Variants in ADGRL3 observed in about 807,000 individuals in gnomAD.
ADGRL3 encodes the protein calcium-independent alpha-latrotoxin receptor 3.
ADGRL3 carries 62 observed loss-of-function variants against 153.5 expected under a neutral mutation model. The observed-to-expected ratio is 0.40, with a 90% confidence interval of 0.33 to 0.50. The LOEUF (loss-of-function observed/expected upper bound fraction) is 0.50. ADGRL3 is among the 20% of genes least tolerant of loss of function. The pLI is 0.47. For synonymous variants in ADGRL3, 710 were observed against 672.5 expected, an observed-to-expected ratio of 1.06 and a Z score of -0.86; for missense variants, 1,641 against 1,859.4, an observed-to-expected ratio of 0.88 and a Z score of 2.16.
intron 3 of ADGRL3, among the ~76,000 whole-genome samples, chr4:61,503,781 G>C (rs1048533782): frequency 2.6e-5 from 4 of 151,718 alleles, no homozygotes; most frequent in Non-Finnish European, 5.9e-5. Flanking sequence ...TGTTTATGGG[G>C]GTACTTATAC....
chr4:61,638,237 C>T, intron 5 of ADGRL3, among the ~76,000 whole-genome samples: 1 of 151,990 alleles, frequency 6.6e-6, no homozygotes, highest in Non-Finnish European at 1.5e-5. Flanking sequence ...ATGCATGCAA[C>T]AAAATGAATG....
In ADGRL3 at chr4:61,851,298, G is replaced by A. The variant is rs1032945195; in HGVS notation, c.1480+37409G>A. Among the ~76,000 whole-genome samples the A allele has an allele frequency of 3.9e-5, 6 of 151,950 alleles. No homozygotes were observed. The South Asian group carries it at 1.2e-3, about 31-fold the overall frequency. ...CATACTTAGAATGTTAATAAAAAGT[G>A]AGGTGTGGCCGGGAGCAGTGACTCA... On this transcript the variant is annotated intron_variant, in intron 9 of 26. Transcript: ENST00000683033.
intron 2 of ADGRL3, among the ~76,000 whole-genome samples, chr4:61,479,641 G>A (rs2098110733): frequency 6.6e-6 from 1 of 152,080 alleles, no homozygotes; most frequent in Non-Finnish European, 1.5e-5. Flanking sequence ...TGGTGCATAA[G>A]CCTTGATTAA....
intron 25 of ADGRL3, among the ~76,000 whole-genome samples, chr4:62,057,542 A>G (rs901777858): frequency 5.9e-5 from 9 of 152,290 alleles, no homozygotes; most frequent in Admixed American, 4.6e-4. Flanking sequence ...TGTGGTAAAG[A>G]AACTTCTCCA....
chr4:61,693,475 A>C (rs1373723392), intron 6 of ADGRL3, among the ~76,000 whole-genome samples: 1 of 152,114 alleles, frequency 6.6e-6, no homozygotes, highest in Non-Finnish European at 1.5e-5. Flanking sequence ...ATCACCAAGA[A>C]GTTTTAAAGT....
At chr4:61,427,607 G>A (rs1033207593) in intron 2 of ADGRL3, 11 of 152,748 alleles carry the variant, frequency 7.2e-5, no homozygotes, top group African/African-American at 2.7e-4. Context: ...CACGCCCTGG[G>A]GCCCCAGTGG....
At chr4:61,778,593 T>C (rs930856478) in intron 8 of ADGRL3, among the ~76,000 whole-genome samples, 2 of 152,206 alleles carry the variant, frequency 1.3e-5, no homozygotes, top group Non-Finnish European at 1.5e-5. Context: ...TTTATCCAAC[T>C]ATGCCCTTTT....
At chr4:61,614,620 G>A (rs2091786864) in intron 5 of ADGRL3, among the ~76,000 whole-genome samples, 1 of 152,024 alleles carries the variant, frequency 6.6e-6, no homozygotes, top group South Asian at 2.1e-4. Context: ...GAAAATCCAG[G>A]ATTTCAAGGA....
chr4:61,573,004 A>C (rs2149161897), intron 4 of ADGRL3, among the ~76,000 whole-genome samples: 1 of 152,118 alleles, frequency 6.6e-6, no homozygotes, highest in African/African-American at 2.4e-5. Context: ...CTTGTAAAAT[A>C]AGATTTATGG....
chr4:61,269,449 G>T (rs1434263766), intron 1 of ADGRL3, among the ~76,000 whole-genome samples: 1 of 151,630 alleles, frequency 6.6e-6, no homozygotes, highest in African/African-American at 2.4e-5. Context: ...TAGCCTCATT[G>T]TACGAGACAG....
intron 1 of ADGRL3, among the ~76,000 whole-genome samples, chr4:61,246,325 A>G (rs1757056934): frequency 6.6e-6 from 1 of 152,076 alleles, no homozygotes; most frequent in African/African-American, 2.4e-5. Flanking sequence ...AGCTTTCTGT[A>G]GGATGATTAA....
chr4:61,662,859 C>T (rs1230915497), intron 5 of ADGRL3, among the ~76,000 whole-genome samples: 1 of 152,120 alleles, frequency 6.6e-6, no homozygotes, highest in African/African-American at 2.4e-5. Context: ...GAGGTGCTAC[C>T]CACTGTGGGT....
intron 10 of ADGRL3, among the ~76,000 whole-genome samples, chr4:61,894,381 C>G (rs1417443811): frequency 6.6e-6 from 1 of 151,956 alleles, no homozygotes; most frequent in Non-Finnish European, 1.5e-5. Context: ...TTTTTTCCAG[C>G]AAAATATTTT....
chr4:61,870,392 A>G (rs1423128260), intron 9 of ADGRL3, among the ~76,000 whole-genome samples: 2 of 152,214 alleles, frequency 1.3e-5, no homozygotes, highest in African/African-American at 2.4e-5. Context: ...ACCTTGGATT[A>G]AGCAATGGTT....
intron 4 of ADGRL3, among the ~76,000 whole-genome samples, chr4:61,570,273 G>A (rs183489057): frequency 6.6e-6 from 1 of 152,150 alleles, no homozygotes; most frequent in Non-Finnish European, 1.5e-5. Context: ...CATTTTGATA[G>A]CATCCTGTCC....
intron 4 of ADGRL3, among the ~76,000 whole-genome samples, chr4:61,541,175 C>A (rs1908438): frequency 0.21 from 31,355 of 151,770 alleles, 3,434 homozygotes; most frequent in Admixed American, 0.27. Context: ...GTGGCCCCAG[C>A]GGCAAATAAA....
At chr4:61,515,846 G>A (rs1402932160) in intron 3 of ADGRL3, among the ~76,000 whole-genome samples, 3 of 152,122 alleles carry the variant, frequency 2.0e-5, no homozygotes, top group African/African-American at 7.2e-5. Context: ...TATCTTAGGA[G>A]CCAAAAGTTC....
chr4:61,422,040 T>C (rs1190646585), intron 2 of ADGRL3, among the ~76,000 whole-genome samples: 3 of 152,158 alleles, frequency 2.0e-5, no homozygotes, highest in East Asian at 3.9e-4. Flanking sequence ...TTTTAACTTA[T>C]ATAATATTTA....
chr4:61,766,196 A>G (rs1386863808), intron 8 of ADGRL3, among the ~76,000 whole-genome samples: 4 of 152,206 alleles, frequency 2.6e-5, no homozygotes, highest in East Asian at 3.9e-4. Flanking sequence ...TGGGCCAGGA[A>G]CAACGGTAAT....
Sources: allele counts gnomAD v4.1 joint callset (sites outside exome capture counted in the v4.1 genomes callset), GRCh38; gene constraint gnomAD v4.1.1; transcripts MANE v1.5; gene names NCBI Gene and HGNC (gene_info 2026-07-23, HGNC 2026-07-21).